Variants in THEM5 observed in about 807,000 individuals in gnomAD.
The protein encoded by THEM5 is acyl-coenzyme A thioesterase THEM5.
THEM5 carries 28 observed loss-of-function variants against 24.2 expected under a neutral mutation model. The observed-to-expected ratio is 1.16, with a 90% CI of 0.86 to 1.59. The LOEUF (loss-of-function observed/expected upper bound fraction) is 1.59, where lower values mean the gene tolerates loss of function less well. Among genes scored for constraint, THEM5 ranks in the 40% most tolerant of loss-of-function variants. The pLI is 0.00. For missense variants in THEM5, 260 were observed against 296.8 expected, an observed-to-expected ratio of 0.88 and a Z score of 0.91; for synonymous variants, 87 against 114.5, an observed-to-expected ratio of 0.76 and a Z score of 1.53.
chr1:151,851,303 G>A, intron 2 of THEM5, 112 bp from the exon 3 acceptor site: 1 of 1,413,540 alleles, frequency 7.1e-7, no homozygotes, highest in African/African-American at 1.4e-5. Flanking sequence ...AAAACCAGAG[G>A]ACACCAGGTC....
chr1:151,847,646 G>A, intron 5 of THEM5, 92 bp downstream of exon 5: 2 of 1,455,360 alleles, frequency 1.4e-6, no homozygotes, highest in South Asian at 1.1e-5. Context: ...CGCAGCTTGG[G>A]ATGAATCATT....
At chr1:151,852,616 G>A (rs559357350) in intron 1 of THEM5, among the ~76,000 whole-genome samples, 157 bp from the exon 2 acceptor site, 33 of 152,224 alleles carry the variant, frequency 2.2e-4, no homozygotes, top group African/African-American at 7.7e-4. Context: ...CCTTGCAGGG[G>A]GGCTGCGGAC....
intron 1 of THEM5, 126 bp downstream of exon 1, chr1:151,853,317 T>G (rs1033595346): frequency 6.8e-5 from 87 of 1,287,888 alleles, no homozygotes; most frequent in Non-Finnish European, 1.8e-5. Flanking sequence ...CTTTGCCAAA[T>G]CAAATAGCTC....
At position 151,853,618 on chromosome 1, in the gene THEM5, C is replaced by T. The variant is rs1412953855; in HGVS notation, c.-53G>A. ...TGGATGGAGGGTCTTGGCTGACTCCCAAGGAGTGCTTTCAGCTGCACTTGG... is the reference window on the plus strand; with the variant it reads ...TGGATGGAGGGTCTTGGCTGACTCCTAAGGAGTGCTTTCAGCTGCACTTGG... On this transcript the variant is annotated 5_prime_UTR_variant, in exon 1 of 6. Transcript: ENST00000368817. 7 of 1,542,440 alleles carry T rather than the reference C, an allele frequency of 4.5e-6. No homozygotes were observed. The highest frequency in any genetic ancestry group is 1.4e-5 in the African/African-American group (1 of 72,626).
At position 151,848,225 on chromosome 1, in the gene THEM5, C is replaced by T. The variant is rs370580520; in HGVS notation, c.532G>A (p.Gly178Arg). 142 of 1,614,238 alleles carry T rather than the reference C, an allele frequency of 8.8e-5. 1 individual carries two copies. The highest frequency in any genetic ancestry group is 2.9e-4 in the East Asian group (13 of 44,878). ...AGACTTAGTGTGAACAGCCCCTCTCCAGCCAGGAAGGCAGTTTTAGAAAAG... is the reference window on the plus strand; with the variant it reads ...AGACTTAGTGTGAACAGCCCCTCTCTAGCCAGGAAGGCAGTTTTAGAAAAG... Reference protein sequence around the residue: ...ETFSKTAFLAGEGLFTLSLNI... With the variant: ...ETFSKTAFLAREGLFTLSLNI... Residue 178 changes from glycine to arginine, a missense_variant, in exon 4 of 6, where the codon GGA (glycine) becomes AGA (arginine). Physicochemically the swap from Gly to Arg is moderately radical, Grantham distance 125. Transcript: ENST00000368817.
chr1:151,848,586 A>G (rs767221716), intron 3 of THEM5, among the ~76,000 whole-genome samples: 1 of 152,252 alleles, frequency 6.6e-6, no homozygotes, highest in African/African-American at 2.4e-5. Context: ...TGATAAAGTT[A>G]ATAGAAAACA....
chr1:151,853,675 C>T lies in THEM5; in HGVS notation c.-110G>A, dbSNP rs568466324. 78 of 1,417,742 alleles carry T rather than the reference C, an allele frequency of 5.5e-5. No homozygotes were observed. The African/African-American group carries it at 9.8e-4, about 18-fold the overall frequency. The allele number at this position is 1,417,742 out of a possible 1,614,324, so 87.8% of individuals were successfully genotyped here. A position where few individuals can be genotyped will look rare whatever the true frequency, so the allele number is the denominator to read the frequency against. Reference sequence around the variant, plus strand: ...TTCTCTCCCTTCTGTTGCAGGCTTTCTTTCAGAGAGCTAGGCGAGGCTGGG... The same window carrying T: ...TTCTCTCCCTTCTGTTGCAGGCTTTTTTTCAGAGAGCTAGGCGAGGCTGGG... On this transcript the variant is annotated 5_prime_UTR_variant, in exon 1 of 6. Transcript: ENST00000368817.
Position 151,851,181 on chromosome 1 carries a change from G to A in THEM5, c.336C>T (p.Asp112=), listed in dbSNP as rs549908311. Residue 112 remains aspartate, a synonymous_variant, in exon 3 of 6, where the codon GAC becomes GAT. Coordinates refer to ENST00000368817, the MANE Select transcript of THEM5 (RefSeq NM_182578.4). Reference sequence around the variant, plus strand: ...GGATGCACCTGGTGAAGATGCGACAGTCACCTTTGTCTGGGGAGAGATAGG... The same window carrying A: ...GGATGCACCTGGTGAAGATGCGACAATCACCTTTGTCTGGGGAGAGATAGG... ...SGLAVSSDKG[D]CRIFTRCIQV... The A allele has an allele frequency of 6.2e-7, 1 of 1,614,214 alleles. No individual in the cohort carries two copies. The highest frequency in any genetic ancestry group is 8.5e-7 in the Non-Finnish European group (1 of 1,180,032).
At chr1:151,851,866 G>A (rs1348109621) in intron 2 of THEM5, among the ~76,000 whole-genome samples, 1 of 152,232 alleles carries the variant, frequency 6.6e-6, no homozygotes, top group East Asian at 1.9e-4. Context: ...CCGCACAGCA[G>A]GGATGATGTG....
chr1:151,851,323 G>A (rs1433496921), intron 2 of THEM5, 132 bp from the exon 3 acceptor site: 2 of 1,211,102 alleles, frequency 1.7e-6, no homozygotes, highest in East Asian at 4.7e-5. Flanking sequence ...CCACCCCCAG[G>A]GAGCCTTCCC....
intron 3 of THEM5, among the ~76,000 whole-genome samples, chr1:151,849,438 CT>C (rs967500877): frequency 2.6e-5 from 4 of 152,194 alleles, no homozygotes; most frequent in Admixed American, 1.3e-4. Context: ...CCTCCTGCTG[CT>C]GTGACCAGTG....
Position 151,851,163 on chromosome 1 carries a change from C to T in THEM5, c.354G>A (p.Arg118=). Residue 118 remains arginine, a synonymous_variant, in exon 3 of 6, where the codon AGG becomes AGA. Coordinates refer to ENST00000368817, the MANE Select transcript of THEM5 (RefSeq NM_182578.4). ...AGCCTTGTCCTTCCACTTGGATGCA[C>T]CTGGTGAAGATGCGACAGTCACCTT... ...SDKGDCRIFT[R]CIQVEGQGFE... is the part of the protein sequence containing the mutation. 6.2e-7 allele frequency: 1 copy of T among 1,614,200 alleles called. No individual in the cohort carries two copies. Among genetic ancestry groups the T allele is most frequent in the Non-Finnish European group, 8.5e-7 (1 of 1,180,034 alleles).
intron 2 of THEM5, among the ~76,000 whole-genome samples, chr1:151,851,960 G>A (rs1485689902): frequency 6.6e-6 from 1 of 152,150 alleles, no homozygotes; most frequent in Admixed American, 6.5e-5. Flanking sequence ...TGATAGTTAG[G>A]GAGGGGCAGT....
At chr1:151,852,889 AG>A (rs1455291585) in intron 1 of THEM5, among the ~76,000 whole-genome samples, 2 of 152,188 alleles carry the variant, frequency 1.3e-5, no homozygotes, top group Non-Finnish European at 2.9e-5. Context: ...TCTGCAGGGC[AG>A]GGTCACAGTT....
At chr1:151,847,601 G>A in intron 5 of THEM5, 137 bp downstream of exon 5, 2 of 1,366,036 alleles carry the variant, frequency 1.5e-6, no homozygotes, top group South Asian at 1.2e-5. Flanking sequence ...TGTGTCCCTA[G>A]TAGGTGCCCT....
At chr1:151,850,769 C>G (rs1653085446) in intron 3 of THEM5, among the ~76,000 whole-genome samples, 1 of 152,194 alleles carries the variant, frequency 6.6e-6, no homozygotes, top group African/African-American at 2.4e-5. Flanking sequence ...GGATCTTGCC[C>G]TCTTCCAAGT....
chr1:151,848,042 G>C, intron 4 of THEM5, 140 bp downstream of exon 4: 1 of 1,426,906 alleles, frequency 7.0e-7, no homozygotes, highest in Admixed American at 1.9e-5. Context: ...TCCTGGCCAG[G>C]GACTAGAGGA....
rs1653104671 is a variant in THEM5, at chr1:151,851,081, GT to G, written c.435del (p.Gln145HisfsTer21). 6.2e-7 allele frequency: 1 copy of G among 1,614,194 alleles called. No homozygotes were observed. Among genetic ancestry groups the G allele is most frequent in the African/African-American group, 1.3e-5 (1 of 75,056 alleles). ...GGGGGCCCCTCCAGGTAGGAGCCTG[GT>G]TGGAAAAGACAGACCGACTTCTTCT... ...PTQKKSVCLF[Q>X]PGSYLEGPPG... On this transcript the variant is annotated frameshift_variant, in exon 3 of 6. Transcript: ENST00000368817. LOFTEE classifies it high-confidence loss of function.
rs769920143 is a variant in THEM5, at chr1:151,852,376, C to G, written c.207G>C (p.Leu69=). The G allele has an allele frequency of 2.5e-6, 4 of 1,614,022 alleles. No individual in the cohort carries two copies. The highest frequency in any genetic ancestry group is 1.6e-4 in the Middle Eastern group (1 of 6,084). Residue 69 remains leucine (L), a synonymous_variant, in exon 2 of 6, where the codon CTG becomes CTC. Transcript: ENST00000368817. ...NASWCSDMLS[L]YQEFLEKTKS... Reference sequence around the variant, plus strand: ...TAGTCTTCTCCAGAAATTCTTGGTACAGGCTCAGCATGTCCGAACACCAGC... The same window carrying G: ...TAGTCTTCTCCAGAAATTCTTGGTAGAGGCTCAGCATGTCCGAACACCAGC...
Sources: gnomAD v4.1 joint callset for allele counts (sites outside exome capture counted in the v4.1 genomes callset) on GRCh38, gnomAD v4.1.1 for gene constraint, MANE v1.5 for transcripts, NCBI Gene and HGNC (gene_info 2026-07-23, HGNC 2026-07-21) for gene names.